The following FRAS1 variants were observed in gnomAD, a reference collection of about 807,000 sequenced individuals.
FRAS1 encodes extracellular matrix organizing protein FRAS1.
FRAS1 carries 290 observed loss-of-function variants against 435.2 expected under a neutral mutation model. The observed-to-expected ratio is 0.67, with a 90% confidence interval of 0.61 to 0.73. The LOEUF is 0.73. FRAS1 is among the 30% of genes least tolerant of loss of function. The pLI is 0.00. For missense variants in FRAS1, 4,860 were observed against 5,001.5 expected (o/e 0.97, Z 0.85); for synonymous variants, 1,800 against 1,851.0 (o/e 0.97, Z 0.71).
intron 26 of FRAS1, among the ~76,000 whole-genome samples, chr4:78,377,364 G>T (rs1731812536): frequency 1.3e-5 from 2 of 152,120 alleles, no homozygotes; most frequent in African/African-American, 4.8e-5. Context: ...TTCTCTCTGG[G>T]ATATAAGTCC....
Position 78,438,899 on chromosome 4 carries a change from T to C in FRAS1, c.5367-3T>C. ...TCATTTGATTCTTTTTGTTTTTTTATAGATACTCAGCTGTGTTTGAAACTG... is the reference window on the plus strand; with the variant it reads ...TCATTTGATTCTTTTTGTTTTTTTACAGATACTCAGCTGTGTTTGAAACTG... On this transcript the variant is annotated splice_region_variant and splice_polypyrimidine_tract_variant and intron_variant, in intron 39 of 73. Coordinates refer to ENST00000512123, the MANE Select transcript of FRAS1 (RefSeq NM_025074.7). The C allele has an allele frequency of 6.3e-7, 1 of 1,592,498 alleles. No individual in the cohort carries two copies. The highest frequency in any genetic ancestry group is 1.9e-5 in the Admixed American group (1 of 53,844).
intron 2 of FRAS1, among the ~76,000 whole-genome samples, chr4:78,165,335 C>T (rs559491024): frequency 1.3e-4 from 20 of 152,186 alleles, no homozygotes; most frequent in Non-Finnish European, 2.5e-4. Flanking sequence ...TCTTCAGCGT[C>T]CCATTGTGTT....
rs71214395 is a variant in FRAS1 at position 78,094,104 on chromosome 4, GTTTTTTT to G, written c.108+28106_108+28112del. ...GGTAAAATTATTTTTGAATAACCAA[GTTTTTTT>G]TTTTTTTTTTTTTTTTTGCAACTGT... On this transcript the variant is annotated intron_variant, in intron 2 of 73. Transcript: ENST00000512123. Among the ~76,000 whole-genome samples, 316 of 106,630 alleles carry G rather than the reference GTTTTTTT, an allele frequency of 3.0e-3. 2 individuals carry two copies. Among genetic ancestry groups the G allele is most frequent in the East Asian group, 7.0e-3 (22 of 3,130 alleles). 70.0% of individuals were successfully genotyped at this position (106,630 alleles called of 152,430 possible). A position where few individuals can be genotyped will look rare whatever the true frequency, so the allele number is the denominator to read the frequency against.
intron 2 of FRAS1, 37 bp downstream of exon 2, chr4:78,066,053 G>A (rs1321954089): frequency 6.8e-7 from 1 of 1,479,662 alleles, no homozygotes; most frequent in East Asian, 2.3e-5. Flanking sequence ...TCTGTCATTT[G>A]AATGTAAAAT....
chr4:78,302,942 T>C (rs1728492265), intron 14 of FRAS1, among the ~76,000 whole-genome samples: 1 of 152,200 alleles, frequency 6.6e-6, no homozygotes, highest in African/African-American at 2.4e-5. Flanking sequence ...CATGCCTATG[T>C]CCTGAATGGT....
intron 5 of FRAS1, 120 bp from the exon 6 acceptor site, chr4:78,255,122 C>T (rs1725730573): frequency 4.4e-6 from 4 of 909,474 alleles, no homozygotes; most frequent in African/African-American, 3.3e-5. Context: ...ACACCAAATG[C>T]AGGACCTCCT....
At chr4:78,437,854 A>T (rs951773363) in intron 38 of FRAS1, among the ~76,000 whole-genome samples, 7 of 152,192 alleles carry the variant, frequency 4.6e-5, no homozygotes, top group Admixed American at 1.3e-4. Context: ...TCTTGAAGAA[A>T]CAGGACATTG....
At chr4:78,373,996 T>G in intron 24 of FRAS1, 115 bp from the exon 25 acceptor site, 1 of 951,884 alleles carries the variant, frequency 1.1e-6, no homozygotes. Context: ...ATATGGTCCT[T>G]TGCCCAGTAC....
chr4:78,387,837 G>T, intron 29 of FRAS1, 136 bp downstream of exon 29: 3 of 564,104 alleles, frequency 5.3e-6, no homozygotes, highest in Non-Finnish European at 8.7e-6. Flanking sequence ...TTATATAGAG[G>T]GCACTATATA....
chr4:78,506,159 G>A (rs952497716), intron 61 of FRAS1, among the ~76,000 whole-genome samples: 4 of 152,170 alleles, frequency 2.6e-5, no homozygotes, highest in East Asian at 1.9e-4. Context: ...TGTGGTGTCC[G>A]TCAGCTGCCA....
Position 78,108,584 on chromosome 4 carries a change from G to A in FRAS1, c.108+42568G>A, listed in dbSNP as rs1035796450. Among the ~76,000 whole-genome samples the A allele has an allele frequency of 4.0e-5, 4 of 99,616 alleles. 2 individuals are homozygous for A. Among genetic ancestry groups the A allele is most frequent in the Non-Finnish European group, 8.0e-5 (4 of 49,826 alleles). The allele number at this position is 99,616 out of a possible 152,430, so 65.4% of individuals were successfully genotyped here. ...AAGACACCACATGCCAGAATCTCTG[G>A]GACACATTCAAAGCAGTGTGTAGAG... On this transcript the variant is annotated intron_variant, in intron 2 of 73. Coordinates refer to ENST00000512123, the MANE Select transcript of FRAS1 (RefSeq NM_025074.7).
chr4:78,247,176 TCAGAAAG>T (rs1218214911), intron 4 of FRAS1, among the ~76,000 whole-genome samples: 1 of 152,128 alleles, frequency 6.6e-6, no homozygotes, highest in African/African-American at 2.4e-5. Flanking sequence ...CAGGGAGAGT[TCAGAAAG>T]TTCTCCCGCT....
intron 32 of FRAS1, among the ~76,000 whole-genome samples, chr4:78,417,496 A>G (rs1733597831): frequency 6.6e-6 from 1 of 152,212 alleles, no homozygotes; most frequent in Non-Finnish European, 1.5e-5. Flanking sequence ...AACACCTTAT[A>G]TAGGGCATAT....
At chr4:78,456,053 CTCCA>C (rs1719184669) in intron 47 of FRAS1, among the ~76,000 whole-genome samples, 1 of 152,048 alleles carries the variant, frequency 6.6e-6, no homozygotes, top group African/African-American at 2.4e-5. Context: ...TGTGGTCCTC[CTCCA>C]GCCAGCAGGA....
intron 2 of FRAS1, among the ~76,000 whole-genome samples, chr4:78,080,210 T>G (rs72858773): frequency 0.029 from 4,426 of 152,228 alleles, 194 homozygotes; most frequent in African/African-American, 0.1. Context: ...TGGATACCAC[T>G]GTGCCTCTGC....
intron 9 of FRAS1, among the ~76,000 whole-genome samples, chr4:78,270,971 G>A (rs1051322805): frequency 6.6e-5 from 10 of 152,034 alleles, no homozygotes; most frequent in South Asian, 6.3e-4. Flanking sequence ...TCCTCTAAGC[G>A]TTTAGATTTT....
At chr4:78,277,333 G>A (rs1051727850) in intron 9 of FRAS1, among the ~76,000 whole-genome samples, 2 of 152,162 alleles carry the variant, frequency 1.3e-5, no homozygotes, top group African/African-American at 4.8e-5. Flanking sequence ...TGCACCCACT[G>A]TCCGACAAGC....
At chr4:78,115,667 G>A (rs1179026327) in intron 2 of FRAS1, among the ~76,000 whole-genome samples, 1 of 152,130 alleles carries the variant, frequency 6.6e-6, no homozygotes, top group African/African-American at 2.4e-5. Flanking sequence ...TGTGGGATAG[G>A]TGGTGATATC....
intron 1 of FRAS1, among the ~76,000 whole-genome samples, chr4:78,065,415 T>C (rs894527778): frequency 1.3e-5 from 2 of 151,782 alleles, no homozygotes; most frequent in Admixed American, 6.6e-5. Context: ...AATTCACAAA[T>C]GGAGGATGTA....
Sources: gnomAD v4.1 joint callset for allele counts (sites outside exome capture counted in the v4.1 genomes callset) on GRCh38, gnomAD v4.1.1 for gene constraint, MANE v1.5 for transcripts, NCBI Gene and HGNC (gene_info 2026-07-23, HGNC 2026-07-21) for gene names.